CCDC171: variants seen among roughly 807,000 people sequenced by gnomAD.
CCDC171 encodes the protein coiled-coil domain containing 171.
A neutral mutation model predicts 168.2 loss-of-function variants in CCDC171; 177 were observed. The observed-to-expected ratio is 1.05, with a 90% CI of 0.93 to 1.19. The LOEUF is 1.19. Among genes scored for constraint, CCDC171 ranks in the 50% most tolerant of loss-of-function variants. The pLI is 0.00. For synonymous variants in CCDC171, 687 were observed against 540.8 expected (o/e 1.27, Z -3.75); for missense variants, 1,991 against 1,539.0 (o/e 1.29, Z -4.91).
intron 25 of CCDC171, among the ~76,000 whole-genome samples, chr9:15,969,226 C>A (rs1276446011): frequency 6.6e-6 from 1 of 152,050 alleles, no homozygotes; most frequent in African/African-American, 2.4e-5. Context: ...GGAAAGTAGA[C>A]ATATTAGAAA....
At chr9:15,646,307 A>G (rs572487018) in intron 7 of CCDC171, among the ~76,000 whole-genome samples, 4 of 152,346 alleles carry the variant, frequency 2.6e-5, no homozygotes, top group Non-Finnish European at 5.9e-5. Flanking sequence ...CAAATTGTAA[A>G]GACCATCCAT....
chr9:15,599,648 A>G (rs1398294582), intron 6 of CCDC171, among the ~76,000 whole-genome samples: 1 of 151,944 alleles, frequency 6.6e-6, no homozygotes, highest in African/African-American at 2.4e-5. Context: ...CCTTTCGAGG[A>G]GTATCTTTGT....
intron 21 of CCDC171, among the ~76,000 whole-genome samples, chr9:15,806,508 G>A (rs946184131): frequency 2.0e-5 from 3 of 152,136 alleles, no homozygotes; most frequent in African/African-American, 7.2e-5. Context: ...AGTTTGGCTG[G>A]ATATGAAATC....
At chr9:15,590,732 A>G (rs956812381) in intron 4 of CCDC171, among the ~76,000 whole-genome samples, 18 of 151,364 alleles carry the variant, frequency 1.2e-4, no homozygotes, top group African/African-American at 3.4e-4. Flanking sequence ...CCTATATATC[A>G]CAGTCTTAAA....
chr9:15,558,633 T>C (rs969287589), intron 1 of CCDC171, among the ~76,000 whole-genome samples: 5 of 152,214 alleles, frequency 3.3e-5, no homozygotes, highest in Admixed American at 2.0e-4. Flanking sequence ...TTCTTCTTTA[T>C]TAGTCTTGCT....
chr9:16,028,988 C>G, intron 6 of CCDC171, among the ~76,000 whole-genome samples: 1 of 152,064 alleles, frequency 6.6e-6, no homozygotes, highest in Non-Finnish European at 1.5e-5. Flanking sequence ...AGGGGCTTGC[C>G]CTGGTAAAAA....
chr9:15,828,368 G>A (rs2060101431), intron 21 of CCDC171, among the ~76,000 whole-genome samples: 2 of 151,576 alleles, frequency 1.3e-5, no homozygotes, highest in South Asian at 4.2e-4. Flanking sequence ...AGTGATACGT[G>A]AAGAATTTTA....
intron 16 of CCDC171, among the ~76,000 whole-genome samples, chr9:15,733,023 C>A (rs897967222): frequency 6.6e-6 from 1 of 152,048 alleles, no homozygotes; most frequent in Non-Finnish European, 1.5e-5. Flanking sequence ...GTGTGTAATG[C>A]CATGTCATTG....
chr9:15,984,197 C>CAGGTGGGCAACAAGA (rs372415223), intron 3 of CCDC171, among the ~76,000 whole-genome samples: 40 of 151,904 alleles, frequency 2.6e-4, no homozygotes, highest in South Asian at 6.2e-4. Flanking sequence ...ATCTGGAGCC[C>CAGGTGGGCAACAAGA]TAAGACCTGC....
intron 7 of CCDC171, among the ~76,000 whole-genome samples, chr9:15,629,996 C>T (rs1223429998): frequency 2.0e-5 from 3 of 152,140 alleles, no homozygotes; most frequent in African/African-American, 4.8e-5. Context: ...TTGTCACCAC[C>T]AGGCCTGCCC....
At chr9:16,040,598 G>A (rs1452776395), upstream of CCDC171, among the ~76,000 whole-genome samples, 2 of 152,234 alleles carry the variant, frequency 1.3e-5, no homozygotes, top group Admixed American at 1.3e-4. Flanking sequence ...ATTGTTTGCA[G>A]TTGTAAAGTG....
rs748663383 is a variant in CCDC171 at position 15,578,899 on chromosome 9, G to A, written c.228G>A (p.Lys76=). The change falls in exon 4 of 26, where the codon AAG becomes AAA. Residue 76 remains lysine (K), a synonymous_variant. Coordinates refer to ENST00000380701, the MANE Select transcript of CCDC171 (RefSeq NM_173550.4). ...QIAKLRSEVE[K]GEALRQSLEY... ...CCAAGCTACGGTCCGAGGTTGAAAA[G>A]GGAGAAGCATTGCGACAAAGTCTGG... The A allele has an allele frequency of 6.2e-7, 1 of 1,613,940 alleles. No individual in the cohort carries two copies. The highest frequency in any genetic ancestry group is 2.2e-5 in the East Asian group (1 of 44,856).
intron 11 of CCDC171, among the ~76,000 whole-genome samples, chr9:15,699,148 C>T (rs1349749294): frequency 2.0e-5 from 3 of 151,902 alleles, no homozygotes; most frequent in East Asian, 1.9e-4. Context: ...CAGATGTGTT[C>T]GGAGTTTCTT....
intron 9 of CCDC171, among the ~76,000 whole-genome samples, chr9:15,672,944 G>C (rs1467815943): frequency 1.3e-5 from 2 of 152,130 alleles, no homozygotes; most frequent in Non-Finnish European, 2.9e-5. Context: ...ATTACCTTGG[G>C]CAGTATAGCC....
At chr9:15,702,934 C>G (rs2051880115) in intron 11 of CCDC171, among the ~76,000 whole-genome samples, 1 of 149,546 alleles carries the variant, frequency 6.7e-6, no homozygotes, top group Admixed American at 6.7e-5. Context: ...GACGGAGTCT[C>G]ACTCTGTTGC....
intron 3 of CCDC171, among the ~76,000 whole-genome samples, chr9:15,984,687 ATATT>A (rs1831928356): frequency 6.6e-6 from 1 of 152,126 alleles, no homozygotes; most frequent in Non-Finnish European, 1.5e-5. Flanking sequence ...GTTTTATAGA[ATATT>A]TATCAACATT....
At chr9:15,833,682 G>T (rs1163086773) in intron 21 of CCDC171, among the ~76,000 whole-genome samples, 1 of 152,080 alleles carries the variant, frequency 6.6e-6, no homozygotes, top group East Asian at 1.9e-4. Context: ...GAGGCTTAAG[G>T]GACTATGTAA....
intron 3 of CCDC171, among the ~76,000 whole-genome samples, chr9:16,009,891 G>T (rs1448445492): frequency 1.3e-5 from 2 of 152,128 alleles, no homozygotes; most frequent in East Asian, 3.8e-4. Flanking sequence ...TAATCTCTGA[G>T]ATCTAAAAAA....
downstream of CCDC171, chr9:16,061,806 TC>T (rs1460106993): frequency 1.3e-5 from 2 of 152,130 alleles, no homozygotes; most frequent in Non-Finnish European, 2.9e-5. Context: ...AAGCAACTTG[TC>T]CATGGTAAAG....
Sources: gnomAD v4.1 joint callset for allele counts (sites outside exome capture counted in the v4.1 genomes callset) on GRCh38, gnomAD v4.1.1 for gene constraint, MANE v1.5 for transcripts, NCBI Gene and HGNC (gene_info 2026-07-23, HGNC 2026-07-21) for gene names.